SLC22A16: variants seen among roughly 807,000 people sequenced by gnomAD.
The protein encoded by SLC22A16 is WUGSC:RG331P03.1.
In SLC22A16, 53 loss-of-function variants were observed where a neutral mutation model predicts 52.9. The ratio of observed to expected loss-of-function variants is 1.00; its 90% CI spans 0.80 to 1.26. The LOEUF (loss-of-function observed/expected upper bound fraction) is 1.26, where lower values mean the gene tolerates loss of function less well. Among genes scored for constraint, SLC22A16 ranks in the 50% most tolerant of loss-of-function variants. SLC22A16 has a pLI of 0.00. For synonymous variants in SLC22A16, 291 were observed against 268.8 expected (o/e 1.08, Z -0.81); for missense variants, 726 against 704.0 (o/e 1.03, Z -0.35).
intron 1 of SLC22A16, among the ~76,000 whole-genome samples, chr6:110,462,504 A>C (rs964444432): frequency 1.3e-5 from 2 of 152,214 alleles, no homozygotes; most frequent in Admixed American, 1.3e-4. Flanking sequence ...CTATAGTGAA[A>C]GACTAGACCA....
At chr6:110,441,521 C>T (rs986190436) in intron 4 of SLC22A16, among the ~76,000 whole-genome samples, 6 of 152,146 alleles carry the variant, frequency 3.9e-5, no homozygotes, top group African/African-American at 1.4e-4. Context: ...CAAAAGTGGA[C>T]CAGTCGAAAG....
intron 3 of SLC22A16, among the ~76,000 whole-genome samples, chr6:110,446,645 C>T (rs563326924): frequency 9.2e-5 from 14 of 151,362 alleles, no homozygotes; most frequent in Admixed American, 5.3e-4. Context: ...ACCACATGCC[C>T]GACACAGAGG....
intron 1 of SLC22A16, among the ~76,000 whole-genome samples, chr6:110,460,807 G>A (rs182171110): frequency 4.6e-5 from 7 of 152,120 alleles, no homozygotes; most frequent in African/African-American, 1.7e-4. Flanking sequence ...TGGGGGACCA[G>A]CAGGACCCTG....
intron 6 of SLC22A16, among the ~76,000 whole-genome samples, chr6:110,433,297 CTCCA>C (rs770513902): frequency 6.6e-6 from 1 of 152,110 alleles, no homozygotes; most frequent in Non-Finnish European, 1.5e-5. Context: ...TCTTCCATCC[CTCCA>C]TCCATCCATC....
intron 5 of SLC22A16, among the ~76,000 whole-genome samples, chr6:110,436,232 C>T (rs1405328512): frequency 6.6e-6 from 1 of 152,142 alleles, no homozygotes; most frequent in Non-Finnish European, 1.5e-5. Flanking sequence ...GTTGGGAAGA[C>T]TGTTTTGGAA....
intron 1 of SLC22A16, chr6:110,475,093 G>A (rs1194257945): frequency 1.6e-5 from 7 of 441,292 alleles, no homozygotes; most frequent in African/African-American, 1.4e-4. Context: ...GTGTGGTAGC[G>A]CCAGAGTGGG....
intron 1 of SLC22A16, among the ~76,000 whole-genome samples, chr6:110,458,699 A>G (rs1313001751): frequency 6.6e-6 from 1 of 152,188 alleles, no homozygotes; most frequent in Admixed American, 6.5e-5. Context: ...CACCCTCACC[A>G]GTTGAGGTGG....
chr6:110,435,753 C>T, intron 6 of SLC22A16, 99 bp downstream of exon 6: 1 of 816,776 alleles, frequency 1.2e-6, no homozygotes. Flanking sequence ...CAGGTAACTT[C>T]TATAAAAAAG....
At chr6:110,455,523 T>C (rs983102576) in intron 2 of SLC22A16, 2 of 152,202 alleles carry the variant, frequency 1.3e-5, no homozygotes, top group Non-Finnish European at 2.9e-5. Flanking sequence ...GTGCCCACCA[T>C]ATGACTGTAA....
intron 1 of SLC22A16, among the ~76,000 whole-genome samples, chr6:110,471,968 G>T (rs1038047102): frequency 2.6e-5 from 4 of 152,162 alleles, no homozygotes; most frequent in Non-Finnish European, 4.4e-5. Flanking sequence ...CTGCAGCCCT[G>T]GGTGGCCACC....
intron 1 of SLC22A16, among the ~76,000 whole-genome samples, chr6:110,463,175 A>G (rs1161728357): frequency 1.3e-5 from 2 of 152,136 alleles, no homozygotes; most frequent in Non-Finnish European, 2.9e-5. Context: ...AAAATCACAC[A>G]TAAGTAGAAA....
intron 1 of SLC22A16, among the ~76,000 whole-genome samples, chr6:110,466,040 G>T (rs1776048106): frequency 6.6e-6 from 1 of 152,118 alleles, no homozygotes; most frequent in African/African-American, 2.4e-5. Context: ...ATGGGAAAAG[G>T]ACTCTCTATT....
At chr6:110,437,493 C>T (rs1474742618) in intron 5 of SLC22A16, among the ~76,000 whole-genome samples, 1 of 152,188 alleles carries the variant, frequency 6.6e-6, no homozygotes, top group Non-Finnish European at 1.5e-5. Flanking sequence ...TATCAATCAC[C>T]TGGAAATTTC....
chr6:110,456,766 C>T lies in SLC22A16; in HGVS notation c.305G>A (p.Ser102Asn), dbSNP rs751776901. ...CGATGTGTTCTCCCTCTTATTCCTGCTACACCTTGAGAGCTCCCAGATCTC... is the reference window on the plus strand; with the variant it reads ...CGATGTGTTCTCCCTCTTATTCCTGTTACACCTTGAGAGCTCCCAGATCTC... Reference protein sequence around the residue: ...NGEIWELSRCSRNKRENTSSL... With the variant: ...NGEIWELSRCNRNKRENTSSL... The change falls in exon 2 of 8, where the codon AGC becomes AAC. Residue 102 changes from serine (S) to asparagine (N), a missense_variant. By Grantham distance (46) the Ser-to-Asn change is conservative. Coordinates refer to ENST00000368919, the MANE Select transcript of SLC22A16 (RefSeq NM_033125.4). 9 of 1,614,180 alleles carry T rather than the reference C, an allele frequency of 5.6e-6. No homozygotes were observed. The highest frequency in any genetic ancestry group is 3.3e-5 in the Admixed American group (2 of 60,018).
chr6:110,450,317 A>G (rs146013956), intron 2 of SLC22A16, among the ~76,000 whole-genome samples: 1 of 152,334 alleles, frequency 6.6e-6, no homozygotes, highest in African/African-American at 2.4e-5. Context: ...TTATTATTTT[A>G]AAAGCATTTA....
At chr6:110,442,913 A>C in intron 3 of SLC22A16, 138 bp from the exon 4 acceptor site, 2 of 746,876 alleles carry the variant, frequency 2.7e-6, no homozygotes, top group Non-Finnish European at 4.2e-6. Context: ...CAGATGTATA[A>C]AATGACATTC....
At chr6:110,428,218 TC>T (rs34665398) in intron 7 of SLC22A16, among the ~76,000 whole-genome samples, 11,885 of 152,212 alleles carry the variant, frequency 0.078, 484 homozygotes, top group Middle Eastern at 0.14. Flanking sequence ...CAGTTTGACA[TC>T]CATAAACAAG....
At chr6:110,453,824 A>G (rs62421689) in intron 2 of SLC22A16, 23,448 of 408,182 alleles carry the variant, frequency 0.057, 849 homozygotes, top group South Asian at 0.084. Context: ...CAGGCTGGGA[A>G]GATCAAGGGT....
At chr6:110,448,942 C>T (rs996115380) in intron 2 of SLC22A16, among the ~76,000 whole-genome samples, 9 of 152,224 alleles carry the variant, frequency 5.9e-5, no homozygotes, top group South Asian at 2.1e-4. Flanking sequence ...TTGTTTTTCC[C>T]TCTCCTTTGA....
Sources: allele counts gnomAD v4.1 joint callset (sites outside exome capture counted in the v4.1 genomes callset), GRCh38; gene constraint gnomAD v4.1.1; transcripts MANE v1.5; gene names NCBI Gene and HGNC (gene_info 2026-07-23, HGNC 2026-07-21).